The following PNPLA8 variants were observed in gnomAD, a reference collection of about 807,000 sequenced individuals.
The protein encoded by PNPLA8 is patatin like domain 8, phospholipase A2, also known as calcium-independent phospholipase A2-gamma.
A neutral mutation model predicts 76.9 loss-of-function variants in PNPLA8; 39 were observed. The observed-to-expected ratio is 0.51, with a 90% CI of 0.39 to 0.66. The LOEUF is 0.66. PNPLA8 is among the 30% of genes least tolerant of loss of function. The pLI is 0.00. For missense variants in PNPLA8, 887 were observed against 918.0 expected, an observed-to-expected ratio of 0.97 and a Z score of 0.44; for synonymous variants, 301 against 307.9, an observed-to-expected ratio of 0.98 and a Z score of 0.24.
At chr7:108,523,260 T>C (rs1042980829) in intron 1 of PNPLA8, among the ~76,000 whole-genome samples, 1 of 152,188 alleles carries the variant, frequency 6.6e-6, no homozygotes, top group African/African-American at 2.4e-5. Context: ...CACTTAATTA[T>C]TAATATAACA....
At chr7:108,498,315 G>A (rs977651640) in intron 5 of PNPLA8, among the ~76,000 whole-genome samples, 5 of 151,374 alleles carry the variant, frequency 3.3e-5, no homozygotes, top group Non-Finnish European at 7.4e-5. Flanking sequence ...TGCCCAGGCT[G>A]GAGTGCAGTG....
chr7:108,509,642 A>G (rs1862742193), intron 4 of PNPLA8, among the ~76,000 whole-genome samples: 1 of 151,064 alleles, frequency 6.6e-6, no homozygotes, highest in African/African-American at 2.4e-5. Flanking sequence ...ATCTAGAACT[A>G]GAAATACCAT....
At chr7:108,524,730 G>T (rs1184572717) in intron 1 of PNPLA8, among the ~76,000 whole-genome samples, 1 of 152,134 alleles carries the variant, frequency 6.6e-6, no homozygotes, top group Non-Finnish European at 1.5e-5. Context: ...TGAAGCAAGA[G>T]AATCGTTTGA....
At chr7:108,486,969 T>C (rs1459216819) in intron 9 of PNPLA8, among the ~76,000 whole-genome samples, 5 of 152,076 alleles carry the variant, frequency 3.3e-5, no homozygotes, top group Admixed American at 2.0e-4. Flanking sequence ...TATAAAAAAT[T>C]ATATATAAAA....
chr7:108,515,021 CA>C lies in PNPLA8; in HGVS notation c.470del (p.Leu157ArgfsTer22), dbSNP rs747930160. 1 of 1,607,316 alleles carries C rather than the reference CA, an allele frequency of 6.2e-7. No individual in the cohort carries two copies. The highest frequency in any genetic ancestry group is 8.5e-7 in the Non-Finnish European group (1 of 1,179,782). On this transcript the variant is annotated frameshift_variant, in exon 3 of 11. Coordinates refer to ENST00000257694, the MANE Select transcript of PNPLA8 (RefSeq NM_001256007.3). LOFTEE classifies it high-confidence loss of function. ...QKNIKQAIKS[L>X]KKYSDKSAEK... ...CTGCTGATTTGTCACTATATTTTTT[CA>C]GAGATTTGATGGCTTGTTTGATGTT... is the stretch of plus-strand genomic sequence containing the variant.
chr7:108,495,960 C>T (rs1317477341), intron 7 of PNPLA8, among the ~76,000 whole-genome samples: 1 of 152,162 alleles, frequency 6.6e-6, no homozygotes, highest in African/African-American at 2.4e-5. Flanking sequence ...CTCTGAATAA[C>T]AGGATTGTGG....
At chr7:108,479,543 C>G in intron 9 of PNPLA8, 164 bp from the exon 10 acceptor site, 1 of 630,944 alleles carries the variant, frequency 1.6e-6, no homozygotes, top group East Asian at 2.8e-5. Flanking sequence ...ACTCATTGGT[C>G]TCATAAAGAA....
chr7:108,493,852 GAAT>G (rs1343455947), intron 7 of PNPLA8, among the ~76,000 whole-genome samples: 1 of 151,776 alleles, frequency 6.6e-6, no homozygotes, highest in Non-Finnish European at 1.5e-5. Context: ...TTGTGTAAAA[GAAT>G]AATGAGAAAA....
chr7:108,499,251 T>C (rs1325948062), intron 5 of PNPLA8, among the ~76,000 whole-genome samples: 1 of 152,220 alleles, frequency 6.6e-6, no homozygotes, highest in East Asian at 1.9e-4. Flanking sequence ...GCTATGGTTT[T>C]GGGGTTTTTT....
chr7:108,521,918 T>C (rs1410947795), intron 1 of PNPLA8, among the ~76,000 whole-genome samples: 1 of 152,156 alleles, frequency 6.6e-6, no homozygotes, highest in Non-Finnish European at 1.5e-5. Flanking sequence ...GAAAATCTAG[T>C]TCAGGCCACG....
At chr7:108,477,552 G>A (rs1424089884) in intron 10 of PNPLA8, among the ~76,000 whole-genome samples, 1 of 152,092 alleles carries the variant, frequency 6.6e-6, no homozygotes, top group Non-Finnish European at 1.5e-5. Context: ...AAACAAAATA[G>A]TAAAATGAGG....
Position 108,479,173 on chromosome 7 carries a change from A to G in PNPLA8, c.2074+11T>C, listed in dbSNP as rs751170959. On this transcript the variant is annotated intron_variant, in intron 10 of 10. Coordinates refer to ENST00000257694, the MANE Select transcript of PNPLA8 (RefSeq NM_001256007.3). The stretch of plus-strand genomic sequence containing the variant: ...AAGTTGAAGTATTTTAAAGCAGCAA[A>G]CAAGACTAACCTTCTGTATCTGTAG... 75 of 1,591,146 alleles carry G rather than the reference A, an allele frequency of 4.7e-5. No homozygotes were observed. The highest frequency in any genetic ancestry group is 6.2e-5 in the Non-Finnish European group (72 of 1,162,402).
At chr7:108,477,417 T>G (rs1001385137) in intron 10 of PNPLA8, among the ~76,000 whole-genome samples, 2 of 152,214 alleles carry the variant, frequency 1.3e-5, no homozygotes, top group African/African-American at 4.8e-5. Context: ...AGTTTAAGAT[T>G]CTCACTTATG....
chr7:108,483,929 T>C (rs1033947981), intron 9 of PNPLA8, among the ~76,000 whole-genome samples: 1 of 152,232 alleles, frequency 6.6e-6, no homozygotes, highest in Non-Finnish European at 1.5e-5. Context: ...GGCAGAAAAG[T>C]TATTTTTTTA....
At chr7:108,492,625 AT>A (rs1360303382) in intron 7 of PNPLA8, among the ~76,000 whole-genome samples, 2 of 152,202 alleles carry the variant, frequency 1.3e-5, no homozygotes, top group Non-Finnish European at 2.9e-5. Flanking sequence ...TGAAAAAAAA[AT>A]CAACATGCCT....
At chr7:108,527,566 A>C (rs1306312702), upstream of PNPLA8, 1 of 152,208 alleles carries the variant, frequency 6.6e-6, no homozygotes, top group African/African-American at 2.4e-5. Flanking sequence ...CATGACTATC[A>C]CCATGGGGGA....
chr7:108,492,664 C>G (rs919916843), intron 7 of PNPLA8, among the ~76,000 whole-genome samples: 6 of 151,678 alleles, frequency 4.0e-5, no homozygotes, highest in Non-Finnish European at 5.9e-5. Context: ...TAAAATAGTT[C>G]CCTTAAAATA....
chr7:108,485,358 A>G (rs1860673601), intron 9 of PNPLA8, among the ~76,000 whole-genome samples: 1 of 152,126 alleles, frequency 6.6e-6, no homozygotes, highest in African/African-American at 2.4e-5. Context: ...TGTTGTAATA[A>G]TCTTCTTCTT....
chr7:108,477,707 C>G (rs1045679570), intron 10 of PNPLA8, among the ~76,000 whole-genome samples: 1 of 152,044 alleles, frequency 6.6e-6, no homozygotes, highest in South Asian at 2.1e-4. Context: ...AAAAAAAGGT[C>G]TGAAAAATTA....
Sources: allele counts gnomAD v4.1 joint callset (sites outside exome capture counted in the v4.1 genomes callset), GRCh38; gene constraint gnomAD v4.1.1; transcripts MANE v1.5; gene names NCBI Gene and HGNC (gene_info 2026-07-23, HGNC 2026-07-21).